The following PCED1B variants were observed in gnomAD, a reference collection of about 807,000 sequenced individuals.
PCED1B encodes the protein PC-esterase domain containing 1B, also known as PC-esterase domain-containing protein 1B.
For synonymous variants in PCED1B, 251 were observed against 246.1 expected (o/e 1.02, Z -0.19); for missense variants, 573 against 573.9 (o/e 1.00, Z 0.02).
At chr12:47,211,491 TA>T (rs577096312) in intron 2 of PCED1B, among the ~76,000 whole-genome samples, 767 of 131,610 alleles carry the variant, frequency 5.8e-3, no homozygotes, top group African/African-American at 7.2e-3. Flanking sequence ...AACTCTACTT[TA>T]AAAAAAAAAA....
At chr12:47,127,090 GC>G (rs1347219282) in intron 2 of PCED1B, among the ~76,000 whole-genome samples, 1 of 152,130 alleles carries the variant, frequency 6.6e-6, no homozygotes, top group Non-Finnish European at 1.5e-5. Context: ...TGAGGTGGAA[GC>G]TAAAGTCATT....
At chr12:47,200,524 G>A (rs142192467) in intron 2 of PCED1B, among the ~76,000 whole-genome samples, 3 of 152,296 alleles carry the variant, frequency 2.0e-5, no homozygotes, top group Non-Finnish European at 4.4e-5. Flanking sequence ...CACTTCACAA[G>A]GCAGATTGGC....
chr12:47,134,507 C>G (rs1049900218), intron 2 of PCED1B, among the ~76,000 whole-genome samples: 2 of 152,106 alleles, frequency 1.3e-5, no homozygotes, highest in African/African-American at 2.4e-5. Context: ...AACAGAAATT[C>G]AAGCTACCTC....
chr12:47,230,215 G>A (rs944400272), intron 3 of PCED1B, among the ~76,000 whole-genome samples: 2 of 146,128 alleles, frequency 1.4e-5, no homozygotes. Flanking sequence ...CTCCCGAGTA[G>A]CTGGGACTAC....
At chr12:47,231,360 G>C (rs1943801396) in intron 3 of PCED1B, among the ~76,000 whole-genome samples, 1 of 151,754 alleles carries the variant, frequency 6.6e-6, no homozygotes, top group African/African-American at 2.4e-5. Context: ...GTATAAGCTG[G>C]GGGTAGTAAA....
At chr12:47,083,817 C>A (rs1222622572) in intron 1 of PCED1B, among the ~76,000 whole-genome samples, 1 of 152,100 alleles carries the variant, frequency 6.6e-6, no homozygotes, top group Non-Finnish European at 1.5e-5. Context: ...ATGTCCTCCC[C>A]AGGAAGAGCT....
At chr12:47,122,102 C>T (rs1939705518) in intron 2 of PCED1B, among the ~76,000 whole-genome samples, 1 of 150,846 alleles carries the variant, frequency 6.6e-6, no homozygotes, top group Admixed American at 6.6e-5. Flanking sequence ...GTTTGGTCCT[C>T]ATGAAGTTAT....
chr12:47,217,470 G>GAGAAAGAAAGATAGAAAGAA (rs1943311351), intron 3 of PCED1B, among the ~76,000 whole-genome samples: 1 of 90,870 alleles, frequency 1.1e-5, no homozygotes, highest in South Asian at 3.9e-4. Flanking sequence ...AAGAAAGAAA[G>GAGAAAGAAAGATAGAAAGAA]AGAAAGAAAG....
rs745362947 is a variant in PCED1B at position 47,235,416 on chromosome 12, T to A, written c.353T>A (p.Leu118Gln). The change falls in exon 4 of 4, where the codon CTG (leucine) becomes CAG (glutamine). Residue 118 changes from leucine (L) to glutamine (Q), a missense_variant. Transcript: ENST00000546455. ...ELQSGEHAPD[L>Q]VIMNSCLWDI... ...CAGTCGGGCGAGCACGCCCCCGACC[T>A]GGTCATCATGAATTCCTGCCTCTGG... 2.5e-6 allele frequency: 4 copies of A among 1,614,198 alleles called. No individual in the cohort carries two copies. The highest frequency in any genetic ancestry group is 3.4e-6 in the Non-Finnish European group (4 of 1,180,038).
intron 2 of PCED1B, among the ~76,000 whole-genome samples, chr12:47,115,504 G>A (rs1939378982): frequency 6.6e-6 from 1 of 152,032 alleles, no homozygotes; most frequent in Non-Finnish European, 1.5e-5. Context: ...AAGGCAATAT[G>A]AACACTTTGA....
intron 2 of PCED1B, among the ~76,000 whole-genome samples, chr12:47,191,028 A>C (rs970795066): frequency 1.3e-5 from 2 of 152,240 alleles, no homozygotes; most frequent in Non-Finnish European, 2.9e-5. Flanking sequence ...CCTGGGGGTC[A>C]GGATATGAAG....
chr12:47,190,157 C>T (rs1461974297), intron 2 of PCED1B, among the ~76,000 whole-genome samples: 1 of 152,178 alleles, frequency 6.6e-6, no homozygotes, highest in Non-Finnish European at 1.5e-5. Context: ...TGCATTAGTT[C>T]GTGTAATCCT....
At chr12:47,139,957 A>G (rs1230563921) in intron 2 of PCED1B, among the ~76,000 whole-genome samples, 1 of 147,098 alleles carries the variant, frequency 6.8e-6, no homozygotes, top group Admixed American at 6.6e-5. Flanking sequence ...AAAATATTAG[A>G]TGATGTGTGT....
chr12:47,217,056 G>A (rs1045448261), intron 3 of PCED1B, among the ~76,000 whole-genome samples: 1 of 152,074 alleles, frequency 6.6e-6, no homozygotes, highest in Non-Finnish European at 1.5e-5. Flanking sequence ...ATGACCTTGG[G>A]CAGATTACTC....
At chr12:47,101,048 C>T (rs1046211299) in intron 1 of PCED1B, among the ~76,000 whole-genome samples, 10 of 151,318 alleles carry the variant, frequency 6.6e-5, no homozygotes, top group South Asian at 4.2e-4. Flanking sequence ...CCAGCCTGGG[C>T]GACAGAGTGA....
intron 2 of PCED1B, among the ~76,000 whole-genome samples, chr12:47,137,760 A>G (rs886148980): frequency 6.6e-6 from 1 of 151,510 alleles, no homozygotes. Flanking sequence ...AAGAAAAAAA[A>G]AAACAACCCA....
At chr12:47,120,797 A>G (rs2137305482) in intron 2 of PCED1B, among the ~76,000 whole-genome samples, 1 of 151,984 alleles carries the variant, frequency 6.6e-6, no homozygotes, top group Non-Finnish European at 1.5e-5. Context: ...GTGAAATTCC[A>G]TCTCAAAAAA....
chr12:47,185,958 A>G (rs1942246017), intron 2 of PCED1B, among the ~76,000 whole-genome samples: 1 of 152,082 alleles, frequency 6.6e-6, no homozygotes, highest in African/African-American at 2.4e-5. Flanking sequence ...AGTGGCTCAC[A>G]CCTGTAATCC....
chr12:47,212,635 AC>A (rs1183942458), intron 2 of PCED1B, among the ~76,000 whole-genome samples: 14 of 152,328 alleles, frequency 9.2e-5, no homozygotes, highest in African/African-American at 3.1e-4. Flanking sequence ...AGCCCATGGA[AC>A]AGTGCCCATC....
Sources: gnomAD v4.1 joint callset for allele counts (sites outside exome capture counted in the v4.1 genomes callset) on GRCh38, gnomAD v4.1.1 for gene constraint, MANE v1.5 for transcripts, NCBI Gene and HGNC (gene_info 2026-07-23, HGNC 2026-07-21) for gene names.